The following TRDN variants were observed in gnomAD, a reference collection of about 807,000 sequenced individuals.
TRDN encodes the protein triadin in skeletal muscle.
In TRDN, 161 loss-of-function variants were observed where a neutral mutation model predicts 149.7. The ratio of observed to expected loss-of-function variants is 1.08; its 90% CI spans 0.95 to 1.23. TRDN has a LOEUF of 1.23. Among genes scored for constraint, TRDN ranks in the 50% most tolerant of loss-of-function variants. The pLI, the probability that TRDN is intolerant of heterozygous loss-of-function variation, is 0.00. For synonymous variants in TRDN, 294 were observed against 250.5 expected (o/e 1.17, Z -1.64); for missense variants, 896 against 823.5 (o/e 1.09, Z -1.08).
At chr6:123,542,397 T>C in intron 4 of TRDN, among the ~76,000 whole-genome samples, 1 of 152,160 alleles carries the variant, frequency 6.6e-6, no homozygotes, top group East Asian at 1.9e-4. Flanking sequence ...GTTTCTCCTG[T>C]CCAAAAAACT....
At chr6:123,404,676 C>T (rs1372458746) in intron 12 of TRDN, among the ~76,000 whole-genome samples, 2 of 151,894 alleles carry the variant, frequency 1.3e-5, no homozygotes, top group Admixed American at 1.3e-4. Context: ...AACTCTTGAC[C>T]TCAGGTGATC....
At chr6:123,257,303 G>A (rs910926833) in intron 35 of TRDN, among the ~76,000 whole-genome samples, 1 of 151,996 alleles carries the variant, frequency 6.6e-6, no homozygotes, top group East Asian at 1.9e-4. Context: ...TCCATCTTGA[G>A]TTAATTTTTG....
chr6:123,251,250 T>A (rs1462671599), intron 38 of TRDN, among the ~76,000 whole-genome samples: 2 of 152,156 alleles, frequency 1.3e-5, no homozygotes, highest in African/African-American at 4.8e-5. Context: ...CATATTTTAA[T>A]GGTTCCTTTT....
intron 20 of TRDN, among the ~76,000 whole-genome samples, chr6:123,357,070 C>T (rs1208511606): frequency 6.6e-6 from 1 of 151,542 alleles, no homozygotes; most frequent in Admixed American, 6.6e-5. Context: ...TTTATTCCGC[C>T]TTTTTTCTTT....
At chr6:123,614,656 T>C (rs866208199) in intron 1 of TRDN, among the ~76,000 whole-genome samples, 34 of 151,966 alleles carry the variant, frequency 2.2e-4, no homozygotes, top group African/African-American at 7.9e-4. Flanking sequence ...TAACTCAAAA[T>C]GGATTAAAGA....
intron 5 of TRDN, among the ~76,000 whole-genome samples, chr6:123,519,958 T>C (rs1029354804): frequency 6.6e-6 from 1 of 152,046 alleles, no homozygotes; most frequent in Non-Finnish European, 1.5e-5. Context: ...TTCATATATA[T>C]CTATATTTTA....
At chr6:123,352,619 T>A in intron 20 of TRDN, 33 bp from the exon 21 acceptor site, 1 of 1,593,948 alleles carries the variant, frequency 6.3e-7, no homozygotes, top group Non-Finnish European at 8.5e-7. Flanking sequence ...AAAGAAGAGT[T>A]CCAGACAGAA....
chr6:123,409,169 A>G, intron 12 of TRDN, among the ~76,000 whole-genome samples: 1 of 152,300 alleles, frequency 6.6e-6, no homozygotes, highest in East Asian at 1.9e-4. Context: ...AACTACAATA[A>G]TAATATCATA....
chr6:123,483,238 G>A (rs912172895), intron 9 of TRDN, among the ~76,000 whole-genome samples: 2 of 151,538 alleles, frequency 1.3e-5, no homozygotes, highest in Non-Finnish European at 2.9e-5. Flanking sequence ...TAGTAGCTGG[G>A]ACTACAGGCG....
At chr6:123,571,166 A>T (rs768101076) in intron 1 of TRDN, 34 bp from the exon 2 acceptor site, 1 of 1,605,324 alleles carries the variant, frequency 6.2e-7, no homozygotes, top group East Asian at 2.2e-5. Flanking sequence ...AATATAATTT[A>T]GAGATTCATG....
intron 23 of TRDN, among the ~76,000 whole-genome samples, chr6:123,321,738 G>A (rs1779251502): frequency 6.6e-6 from 1 of 151,932 alleles, no homozygotes; most frequent in Non-Finnish European, 1.5e-5. Flanking sequence ...TCAGATATGA[G>A]ATAAGCCTCC....
At chr6:123,424,275 C>A (rs1009610929) in intron 12 of TRDN, among the ~76,000 whole-genome samples, 1 of 152,122 alleles carries the variant, frequency 6.6e-6, no homozygotes, top group Non-Finnish European at 1.5e-5. Context: ...TGCCTAACTG[C>A]CCTTTTCTGT....
intron 21 of TRDN, among the ~76,000 whole-genome samples, chr6:123,343,375 C>T (rs760589579): frequency 4.6e-5 from 7 of 151,604 alleles, no homozygotes; most frequent in Non-Finnish European, 1.0e-4. Context: ...AATGGAAATC[C>T]TGTCCTAAAA....
At chr6:123,626,421 C>A (rs780247101) in intron 1 of TRDN, among the ~76,000 whole-genome samples, 19 of 152,218 alleles carry the variant, frequency 1.2e-4, no homozygotes, top group Non-Finnish European at 2.4e-4. Context: ...GCAGAGGTTG[C>A]AGTGAGCCAA....
At chr6:123,351,094 A>T (rs1046902628) in intron 21 of TRDN, 1 of 984,958 alleles carries the variant, frequency 1.0e-6, no homozygotes, top group African/African-American at 1.7e-5. Context: ...TATGAAAACA[A>T]CCTATGAATA....
intron 23 of TRDN, among the ~76,000 whole-genome samples, chr6:123,316,864 T>A (rs2114700203): frequency 6.6e-6 from 1 of 151,926 alleles, no homozygotes; most frequent in Non-Finnish European, 1.5e-5. Context: ...TAAATTTTCC[T>A]AATTTGACCA....
At chr6:123,401,098 C>T (rs754201194) in intron 12 of TRDN, among the ~76,000 whole-genome samples, 1 of 152,126 alleles carries the variant, frequency 6.6e-6, no homozygotes, top group Admixed American at 6.5e-5. Flanking sequence ...AATTCTAAAC[C>T]AAATATGTGG....
At chr6:123,318,642 G>T (rs919605844) in intron 23 of TRDN, among the ~76,000 whole-genome samples, 120 of 151,994 alleles carry the variant, frequency 7.9e-4, no homozygotes, top group Non-Finnish European at 1.2e-4. Flanking sequence ...TTAGCATTTT[G>T]CTCATCAATA....
chr6:123,572,629 A>G (rs1782641043), intron 1 of TRDN, among the ~76,000 whole-genome samples: 1 of 152,140 alleles, frequency 6.6e-6, no homozygotes, highest in Admixed American at 6.6e-5. Flanking sequence ...CCCAAATTAT[A>G]CAGATGTGAA....
Sources: gnomAD v4.1 joint callset for allele counts (sites outside exome capture counted in the v4.1 genomes callset) on GRCh38, gnomAD v4.1.1 for gene constraint, MANE v1.5 for transcripts, NCBI Gene and HGNC (gene_info 2026-07-23, HGNC 2026-07-21) for gene names.